Variants in TENM4 observed in about 807,000 individuals in gnomAD.
TENM4 encodes teneurin transmembrane protein 4.
Under a neutral mutation model 243.3 loss-of-function variants are expected in TENM4, and 82 were observed. The ratio of observed to expected loss-of-function variants is 0.34; its 90% confidence interval spans 0.28 to 0.40. The LOEUF is 0.40. Ranked by LOEUF, TENM4 falls within the 10% of genes least tolerant of loss-of-function variation. TENM4 has a pLI of 1.00. For missense variants in TENM4, 3,138 were observed against 3,673.3 expected, an observed-to-expected ratio of 0.85 and a Z score of 3.77; for synonymous variants, 1,412 against 1,456.3, an observed-to-expected ratio of 0.97 and a Z score of 0.69.
Position 78,805,277 on chromosome 11 carries a change from T to TCCCCACCCCACCCACCCCC in TENM4, c.2179+14_2179+15insGGGGGTGGGTGGGGTGGGG. On this transcript the variant is annotated intron_variant, in intron 15 of 33. Coordinates refer to ENST00000278550, the MANE Select transcript of TENM4 (RefSeq NM_001098816.3). ...CCCCTCCCTCTACCCATGCTTCTTCTCCCCCTGCATTTACCGATAGAACAG... is the reference window on the plus strand; with the variant it reads ...CCCCTCCCTCTACCCATGCTTCTTCTCCCCACCCCACCCACCCCCCCCCCTGCATTTACCGATAGAACAG... 7.1e-7 allele frequency: 1 copy of TCCCCACCCCACCCACCCCC among 1,402,550 alleles called. No homozygotes were observed. Among genetic ancestry groups the TCCCCACCCCACCCACCCCC allele is most frequent in the Non-Finnish European group, 9.7e-7 (1 of 1,033,116 alleles). The allele number at this position is 1,402,550 out of a possible 1,614,324, so 86.9% of individuals were successfully genotyped here.
intron 28 of TENM4, among the ~76,000 whole-genome samples, chr11:78,696,891 C>T (rs910625747): frequency 1.3e-5 from 2 of 152,024 alleles, no homozygotes; most frequent in African/African-American, 4.8e-5. Context: ...TTTCTTCCCT[C>T]ATTCAGCTGA....
chr11:79,423,839 A>G (rs1348334133), intron 1 of TENM4, among the ~76,000 whole-genome samples: 4 of 152,110 alleles, frequency 2.6e-5, no homozygotes, highest in African/African-American at 9.7e-5. Context: ...AATAATAATC[A>G]CAATACTTCT....
chr11:78,802,217 T>C (rs1857294840), intron 15 of TENM4, among the ~76,000 whole-genome samples: 1 of 152,170 alleles, frequency 6.6e-6, no homozygotes, highest in Non-Finnish European at 1.5e-5. Flanking sequence ...AAAGTGCCCT[T>C]GGAAGGGAGG....
At chr11:79,120,429 T>A (rs934147949) in intron 4 of TENM4, among the ~76,000 whole-genome samples, 2 of 152,234 alleles carry the variant, frequency 1.3e-5, no homozygotes, top group Non-Finnish European at 2.9e-5. Context: ...AAACACTAAC[T>A]TAGTGCCCAC....
chr11:78,888,170 C>T (rs965715555), intron 9 of TENM4, among the ~76,000 whole-genome samples: 5 of 152,206 alleles, frequency 3.3e-5, no homozygotes, highest in Non-Finnish European at 7.3e-5. Context: ...TGACCCATAG[C>T]AGGGATGGCA....
Position 79,196,712 on chromosome 11 carries a change from T to G in TENM4, c.-163+19096A>C, listed in dbSNP as rs149862618. 2.6e-3 allele frequency among the ~76,000 whole-genome samples: 396 copies of G among 152,260 alleles called. 1 individual carries two copies. Among genetic ancestry groups the G allele is most frequent in the African/African-American group, 9.1e-3 (377 of 41,556 alleles). Reference sequence around the variant, plus strand: ...TTCTTAACAGGGCCTCAGTCACACTTGTTCTCAGGCTTCTGGCCCCATTGT... The same window carrying G: ...TTCTTAACAGGGCCTCAGTCACACTGGTTCTCAGGCTTCTGGCCCCATTGT... On this transcript the variant is annotated intron_variant, in intron 3 of 33. Transcript: ENST00000278550.
intron 2 of TENM4, among the ~76,000 whole-genome samples, chr11:79,266,908 A>G (rs1332130231): frequency 6.6e-6 from 1 of 152,196 alleles, no homozygotes; most frequent in Non-Finnish European, 1.5e-5. Flanking sequence ...ACAGGCATAT[A>G]TATAAATTAT....
intron 1 of TENM4, among the ~76,000 whole-genome samples, chr11:79,393,221 G>C (rs1039814211): frequency 6.6e-6 from 1 of 152,106 alleles, no homozygotes; most frequent in African/African-American, 2.4e-5. Flanking sequence ...TGGAATATAA[G>C]AGGAGTCTCA....
In TENM4 at chr11:79,317,210, C is replaced by T. The variant is rs188909217; in HGVS notation, c.-320-19667G>A. On this transcript the variant is annotated intron_variant, in intron 1 of 33. Transcript: ENST00000278550. ...CAAAAGGTTTGTTAACACTCACACA[C>T]GGTTTCAGCTTCAAGGAAGACACAA... is the stretch of plus-strand genomic sequence containing the variant. 3.4e-3 allele frequency among the ~76,000 whole-genome samples: 516 copies of T among 152,320 alleles called. 3 individuals are homozygous for T. Among genetic ancestry groups the T allele is most frequent in the Non-Finnish European group, 4.4e-3 (302 of 68,028 alleles).
intron 1 of TENM4, among the ~76,000 whole-genome samples, chr11:79,406,532 A>G (rs2135564842): frequency 6.6e-6 from 1 of 152,338 alleles, no homozygotes; most frequent in South Asian, 2.1e-4. Context: ...TTAAAGAGGA[A>G]GTGAAACAAG....
chr11:79,285,266 G>C (rs1050816130), intron 2 of TENM4, among the ~76,000 whole-genome samples: 1 of 151,398 alleles, frequency 6.6e-6, no homozygotes, highest in African/African-American at 2.4e-5. Context: ...AAAAAAGAGA[G>C]ATGCTGAGTA....
rs147322039 is a variant in TENM4 at position 78,794,524 on chromosome 11, G to A, written c.2180-7441C>T. ...CGAGAACTCACAAAGTACAAGAACT[G>A]CAGCTGGGAGGGCCCAGGAGAGGCT... On this transcript the variant is annotated intron_variant, in intron 15 of 33. Transcript: ENST00000278550. 3.0e-3 allele frequency among the ~76,000 whole-genome samples: 451 copies of A among 152,356 alleles called. 3 individuals carry two copies. Among genetic ancestry groups the A allele is most frequent in the African/African-American group, 0.01 (426 of 41,580 alleles).
At chr11:79,179,710 A>T (rs1863244294) in intron 3 of TENM4, among the ~76,000 whole-genome samples, 2 of 151,852 alleles carry the variant, frequency 1.3e-5, no homozygotes, top group Admixed American at 1.3e-4. Context: ...AGGACAGATG[A>T]TAAAAAGTTT....
intron 9 of TENM4, among the ~76,000 whole-genome samples, chr11:78,884,354 C>T (rs1855502717): frequency 6.6e-6 from 1 of 152,164 alleles, no homozygotes; most frequent in Non-Finnish European, 1.5e-5. Flanking sequence ...AAGTGAAAAC[C>T]AAGGTTCAGA....
chr11:79,114,859 T>C (rs940294602), intron 4 of TENM4, among the ~76,000 whole-genome samples: 5 of 152,178 alleles, frequency 3.3e-5, no homozygotes, highest in African/African-American at 9.7e-5. Flanking sequence ...AACCCTGCCA[T>C]ATGTGCAGAG....
chr11:78,992,453 A>C (rs138422558), intron 6 of TENM4, among the ~76,000 whole-genome samples: 2 of 152,144 alleles, frequency 1.3e-5, no homozygotes, highest in African/African-American at 4.8e-5. Context: ...TACACTGTGC[A>C]TTGCTTTAGG....
At chr11:79,135,027 CA>C (rs1162076239) in intron 4 of TENM4, among the ~76,000 whole-genome samples, 1 of 152,034 alleles carries the variant, frequency 6.6e-6, no homozygotes, top group African/African-American at 2.4e-5. Flanking sequence ...TTTTGCACAG[CA>C]AAAGGAACAG....
intron 18 of TENM4, among the ~76,000 whole-genome samples, chr11:78,757,592 T>A (rs996292712): frequency 6.6e-6 from 1 of 152,006 alleles, no homozygotes; most frequent in Non-Finnish European, 1.5e-5. Context: ...GTTGCACAGG[T>A]GAAAAATAAA....
At chr11:79,129,312 A>G (rs1486291813) in intron 4 of TENM4, among the ~76,000 whole-genome samples, 1 of 152,180 alleles carries the variant, frequency 6.6e-6, no homozygotes, top group Non-Finnish European at 1.5e-5. Flanking sequence ...GGGGAACTCC[A>G]CAGGGAGAAG....
Sources: allele counts gnomAD v4.1 joint callset (sites outside exome capture counted in the v4.1 genomes callset), GRCh38; gene constraint gnomAD v4.1.1; transcripts MANE v1.5; gene names NCBI Gene and HGNC (gene_info 2026-07-23, HGNC 2026-07-21).